The following SHANK2 variants were observed in gnomAD, a reference collection of about 807,000 sequenced individuals.
SHANK2 encodes the protein SH3 and multiple ankyrin repeat domains protein 2.
Under a neutral mutation model 133.7 loss-of-function variants are expected in SHANK2, and 43 were observed. That is an observed-to-expected ratio of 0.32 (90% CI 0.25 to 0.41). The LOEUF (loss-of-function observed/expected upper bound fraction) is 0.41. Ranked by LOEUF, SHANK2 falls within the 10% of genes least tolerant of loss-of-function variation. SHANK2 has a pLI of 1.00. For synonymous variants in SHANK2, 1,017 were observed against 952.8 expected, an observed-to-expected ratio of 1.07 and a Z score of -1.24; for missense variants, 1,994 against 2,235.8, an observed-to-expected ratio of 0.89 and a Z score of 2.18.
At chr11:70,876,563 A>T (rs1293721759) in intron 11 of SHANK2, among the ~76,000 whole-genome samples, 1 of 150,426 alleles carries the variant, frequency 6.6e-6, no homozygotes, top group Admixed American at 6.6e-5. Context: ...CGCCTCAAAA[A>T]AAAGAAAAAA....
chr11:70,748,360 G>A (rs1946685909), intron 14 of SHANK2, among the ~76,000 whole-genome samples: 1 of 152,136 alleles, frequency 6.6e-6, no homozygotes, highest in African/African-American at 2.4e-5. Context: ...CAAGAGTGAG[G>A]AAGTCAAGGG....
In SHANK2 at chr11:71,188,100, C is replaced by T. The variant is rs570078168; in HGVS notation, c.-13+36597G>A. 1.3e-5 allele frequency among the ~76,000 whole-genome samples: 2 copies of T among 152,190 alleles called. No individual in the cohort carries two copies. Among genetic ancestry groups the T allele is most frequent in the Admixed American group, 6.5e-5 (1 of 15,278 alleles). On this transcript the variant is annotated intron_variant, in intron 2 of 25. Coordinates refer to ENST00000601538, the MANE Select transcript of SHANK2 (RefSeq NM_012309.5). The surrounding 1 kb of genome is among the most constrained non-coding windows in gnomAD (Gnocchi z 4.6). ...CACAGTCCTTGCCACCACACATCTG[C>T]TCCTCCCATTAGAAACTGAGACATC...
intron 14 of SHANK2, among the ~76,000 whole-genome samples, chr11:70,790,125 T>C (rs572825578): frequency 7.6e-4 from 116 of 152,352 alleles, no homozygotes; most frequent in South Asian, 2.7e-3. Context: ...TCAAGATACA[T>C]CAACAGGGGC....
intron 2 of SHANK2, among the ~76,000 whole-genome samples, chr11:71,180,237 C>T (rs1240429378): frequency 6.6e-6 from 1 of 152,212 alleles, no homozygotes; most frequent in Non-Finnish European, 1.5e-5. Context: ...ATGTGCCGAC[C>T]AACACCTTGT....
intron 14 of SHANK2, among the ~76,000 whole-genome samples, chr11:70,747,930 A>C (rs544726827): frequency 6.6e-6 from 1 of 152,212 alleles, no homozygotes; most frequent in Non-Finnish European, 1.5e-5. Flanking sequence ...CACATATGTG[A>C]ATGTGTGTGT....
At chr11:71,236,875 TAAAC>T (rs1954831572) in intron 1 of SHANK2, among the ~76,000 whole-genome samples, 1 of 152,120 alleles carries the variant, frequency 6.6e-6, no homozygotes, top group South Asian at 2.1e-4. Flanking sequence ...AACAAACAAA[TAAAC>T]AAAACCCAAT....
intron 2 of SHANK2, among the ~76,000 whole-genome samples, chr11:71,171,098 G>A (rs1436492958): frequency 2.0e-4 from 31 of 152,286 alleles, no homozygotes; most frequent in African/African-American, 6.3e-4. Context: ...TTTTGCACAC[G>A]CGGGGACAGA....
intron 17 of SHANK2, among the ~76,000 whole-genome samples, chr11:70,658,264 GACACACACACACACACAGAC>G (rs2061435359): frequency 7.5e-4 from 74 of 99,294 alleles, no homozygotes; most frequent in East Asian, 1.8e-3. Context: ...CACACACACA[GACACACACACACACACAGAC>G]ACACACACAC....
chr11:71,221,867 G>A (rs1308638638), intron 2 of SHANK2, among the ~76,000 whole-genome samples: 3 of 152,118 alleles, frequency 2.0e-5, no homozygotes, highest in African/African-American at 4.8e-5. Flanking sequence ...GCACGGGGGC[G>A]TGAGGTGCCC....
intron 10 of SHANK2, among the ~76,000 whole-genome samples, chr11:70,937,461 C>A (rs896883812): frequency 3.3e-5 from 5 of 152,232 alleles, no homozygotes; most frequent in Non-Finnish European, 7.3e-5. Context: ...GGACAAGTGA[C>A]ATCGTCAGCC....
At chr11:71,214,235 T>C (rs749035) in intron 2 of SHANK2, among the ~76,000 whole-genome samples, 8,193 of 152,234 alleles carry the variant, frequency 0.054, 364 homozygotes, top group African/African-American at 0.12. Flanking sequence ...AACCTTCTTT[T>C]GGGAAATCTT....
chr11:70,847,124 G>C (rs546178524), intron 11 of SHANK2, among the ~76,000 whole-genome samples: 1 of 152,140 alleles, frequency 6.6e-6, no homozygotes, highest in Non-Finnish European at 1.5e-5. Flanking sequence ...TCAATCTTGC[G>C]AGGGTCCTTG....
chr11:70,599,152 T>C (rs567591448), intron 17 of SHANK2, among the ~76,000 whole-genome samples: 1 of 151,860 alleles, frequency 6.6e-6, no homozygotes, highest in South Asian at 2.1e-4. Flanking sequence ...AAAATAAAAA[T>C]CAATATACCA....
intron 9 of SHANK2, among the ~76,000 whole-genome samples, chr11:71,058,850 G>C (rs1950952854): frequency 6.6e-6 from 1 of 152,270 alleles, no homozygotes; most frequent in African/African-American, 2.4e-5. Context: ...CCCCATCCCT[G>C]GGAACAGCAA....
At chr11:70,828,458 G>A (rs907158717) in intron 11 of SHANK2, among the ~76,000 whole-genome samples, 6 of 152,214 alleles carry the variant, frequency 3.9e-5, no homozygotes, top group Non-Finnish European at 5.9e-5. Context: ...ATTAAGAAAC[G>A]GTTCTGAGGT....
chr11:71,121,180 C>T (rs1952077793), intron 3 of SHANK2, among the ~76,000 whole-genome samples: 2 of 152,218 alleles, frequency 1.3e-5, no homozygotes, highest in African/African-American at 2.4e-5. Context: ...TAGGGAAACC[C>T]ACCCACCCAG....
chr11:70,649,120 C>A (rs2061308071), intron 17 of SHANK2, among the ~76,000 whole-genome samples: 2 of 152,180 alleles, frequency 1.3e-5, no homozygotes, highest in African/African-American at 4.8e-5. Flanking sequence ...CGTGCCATCT[C>A]CCCTTCTCAC....
chr11:70,640,504 C>T (rs893135730), intron 17 of SHANK2, among the ~76,000 whole-genome samples: 2 of 152,234 alleles, frequency 1.3e-5, no homozygotes, highest in Admixed American at 6.5e-5. Context: ...GTGAACGCAT[C>T]GCTGTTGTCT....
At chr11:70,898,158 G>C (rs1949966339) in intron 10 of SHANK2, among the ~76,000 whole-genome samples, 1 of 151,050 alleles carries the variant, frequency 6.6e-6, no homozygotes, top group Non-Finnish European at 1.5e-5. Context: ...TTTTGGTAGA[G>C]ACAGGGTTTC....
Sources: allele counts gnomAD v4.1 joint callset (sites outside exome capture counted in the v4.1 genomes callset), GRCh38; gene constraint gnomAD v4.1.1; non-coding constraint Gnocchi (gnomAD v3.1); transcripts MANE v1.5; gene names NCBI Gene and HGNC (gene_info 2026-07-23, HGNC 2026-07-21).